KBTBD11: variants seen among roughly 807,000 people sequenced by gnomAD.
KBTBD11 encodes kelch repeat and BTB domain containing 11.
For missense variants in KBTBD11, 1,390 were observed against 1,001.8 expected (o/e 1.39, Z -5.23); for synonymous variants, 747 against 499.0 (o/e 1.50, Z -6.63).
intron 1 of KBTBD11, among the ~76,000 whole-genome samples, chr8:1,985,792 C>T (rs1816691110): frequency 6.6e-6 from 1 of 152,320 alleles, no homozygotes; most frequent in Non-Finnish European, 1.5e-5. Flanking sequence ...GACCTTGTCT[C>T]TAACAAACAA....
At chr8:1,988,426 A>G (rs926562755) in intron 1 of KBTBD11, among the ~76,000 whole-genome samples, 2 of 152,146 alleles carry the variant, frequency 1.3e-5, no homozygotes, top group Non-Finnish European at 2.9e-5. Flanking sequence ...TCGCCATTCT[A>G]ACTGGTGTGA....
At chr8:1,978,432 G>A (rs1384239118) in intron 1 of KBTBD11, among the ~76,000 whole-genome samples, 3 of 152,214 alleles carry the variant, frequency 2.0e-5, no homozygotes, top group Non-Finnish European at 2.9e-5. Context: ...TCACACACTG[G>A]GGGCTGGCGC....
chr8:1,977,815 C>T (rs545381471), intron 1 of KBTBD11, among the ~76,000 whole-genome samples: 28 of 152,152 alleles, frequency 1.8e-4, no homozygotes, highest in Admixed American at 2.6e-4. Flanking sequence ...GGATTACAGG[C>T]ATGAACCACC....
chr8:1,997,848 A>T (rs1303337463), intron 1 of KBTBD11, among the ~76,000 whole-genome samples: 3 of 152,242 alleles, frequency 2.0e-5, no homozygotes, highest in African/African-American at 7.2e-5. Flanking sequence ...ATGTGAGCCA[A>T]AGGGCACGCA....
intron 1 of KBTBD11, among the ~76,000 whole-genome samples, chr8:1,976,745 G>A (rs374448025): frequency 2.0e-5 from 3 of 152,190 alleles, no homozygotes; most frequent in African/African-American, 7.2e-5. Flanking sequence ...TTGAAGGAGA[G>A]GAATACATTC....
intron 1 of KBTBD11, among the ~76,000 whole-genome samples, chr8:1,989,346 C>G (rs1163870302): frequency 6.6e-6 from 1 of 152,196 alleles, no homozygotes; most frequent in African/African-American, 2.4e-5. Context: ...TTCAGTACTT[C>G]CAGATCTGTG....
rs991238162 is a variant in KBTBD11, at chr8:2,002,369, AGCGCCGTGAGGCCCCT to A, written c.1183_1198del (p.Val395ArgfsTer108). On this transcript the variant is annotated frameshift_variant, in exon 2 of 2. Transcript: ENST00000320248. LOFTEE classifies it low-confidence loss of function (END_TRUNC). The surrounding 1 kb of genome is among the most constrained non-coding windows in gnomAD (Gnocchi z 4.1). ...CTACAACCCGGCCACGGACAGCTGG[AGCGCCGTGAGGCCCCT>A]GCGCCAGGCGCGCTCGCAGCTGCGG... 15 of 1,470,772 alleles carry A rather than the reference AGCGCCGTGAGGCCCCT, an allele frequency of 1.0e-5. No homozygotes were observed. Among genetic ancestry groups the A allele is most frequent in the Non-Finnish European group, 1.3e-5 (15 of 1,116,532 alleles). The allele number at this position is 1,470,772 out of a possible 1,614,324, so 91.1% of individuals were successfully genotyped here.
chr8:2,002,084 G>C lies in KBTBD11; in HGVS notation c.892G>C (p.Ala298Pro). The C allele has an allele frequency of 1.5e-5, 17 of 1,103,130 alleles. No homozygotes were observed. The highest frequency in any genetic ancestry group is 1.9e-5 in the Non-Finnish European group (17 of 909,138). The allele number at this position is 1,103,130 out of a possible 1,614,324, so 68.3% of individuals were successfully genotyped here. The change falls in exon 2 of 2, where the codon GCC (alanine) becomes CCC (proline). Residue 298 changes from alanine to proline, a missense_variant. Coordinates refer to ENST00000320248, the MANE Select transcript of KBTBD11 (RefSeq NM_014867.3). This position sits in a 1 kb window ranked among gnomAD's most constrained non-coding sequence, Gnocchi z 4.1. ...RLRAGRAHLL[A>P]AALGPAGERA... ...GCGCGCCGGCCGCGCCCACCTCTTG[G>C]CCGCGGCGCTCGGGCCGGCGGGGGA... is the stretch of plus-strand genomic sequence containing the variant.
chr8:1,974,625 G>T, intron 1 of KBTBD11: 3 of 985,258 alleles, frequency 3.0e-6, no homozygotes, highest in Non-Finnish European at 3.6e-6. Context: ...CCGCGCCGCG[G>T]CTCCCGAGTC....
intron 1 of KBTBD11, among the ~76,000 whole-genome samples, chr8:1,996,519 C>G (rs543757944): frequency 6.6e-6 from 1 of 152,088 alleles, no homozygotes; most frequent in Non-Finnish European, 1.5e-5. Flanking sequence ...CCACCCACCT[C>G]GGCCTCCCAA....
chr8:1,995,551 C>T (rs1053107789), intron 1 of KBTBD11, among the ~76,000 whole-genome samples: 1 of 152,230 alleles, frequency 6.6e-6, no homozygotes, highest in East Asian at 1.9e-4. Context: ...GGTGTGAGGA[C>T]GGCCAGTTCC....
chr8:1,999,290 C>T (rs1024294016), intron 1 of KBTBD11, among the ~76,000 whole-genome samples: 1 of 152,144 alleles, frequency 6.6e-6, no homozygotes, highest in Non-Finnish European at 1.5e-5. Flanking sequence ...CCAGGTAATG[C>T]TATTGCACAT....
rs868407866 is a variant in KBTBD11, at chr8:2,001,313, C to G, written c.121C>G (p.Leu41Val). The change falls in exon 2 of 2, where the codon CTG (leucine) becomes GTG (valine). Residue 41 changes from leucine to valine, a missense_variant. Physicochemically the swap from Leu to Val is conservative, Grantham distance 32. Coordinates refer to ENST00000320248, the MANE Select transcript of KBTBD11 (RefSeq NM_014867.3). ...AQTPCSLGAS[L>V]CFSSGEESPP... ...GACACCCTGCAGTCTCGGCGCGTCC[C>G]TGTGCTTCAGCTCCGGGGAAGAGTC... 5.9e-6 allele frequency: 9 copies of G among 1,524,236 alleles called. No homozygotes were observed. The highest frequency in any genetic ancestry group is 1.4e-5 in the African/African-American group (1 of 70,220). The allele number at this position is 1,524,236 out of a possible 1,614,324, so 94.4% of individuals were successfully genotyped here.
intron 1 of KBTBD11, among the ~76,000 whole-genome samples, chr8:1,989,923 GTTTTTTTTTT>G (rs5888896): frequency 4.2e-5 from 3 of 71,712 alleles, no homozygotes; most frequent in Non-Finnish European, 7.2e-5. Context: ...GTCTCAGGTG[GTTTTTTTTTT>G]TTTTTTTTTT....
intron 1 of KBTBD11, among the ~76,000 whole-genome samples, chr8:1,977,580 G>T (rs1490770078): frequency 6.6e-6 from 1 of 152,142 alleles, no homozygotes; most frequent in African/African-American, 2.4e-5. Flanking sequence ...CTGGAATCCA[G>T]TGGCACCATG....
chr8:1,984,351 T>G (rs1185757879), intron 1 of KBTBD11, among the ~76,000 whole-genome samples: 1 of 138,670 alleles, frequency 7.2e-6, no homozygotes, highest in Non-Finnish European at 1.5e-5. Context: ...TGCAGTGGCG[T>G]GATCTCGGCT....
intron 1 of KBTBD11, 127 bp downstream of exon 1, chr8:1,974,062 G>GA: frequency 1.4e-6 from 1 of 726,962 alleles, no homozygotes; most frequent in Non-Finnish European, 1.7e-6. Flanking sequence ...CGGGAGGGGA[G>GA]AAAAGGGGAG....
chr8:1,993,020 C>A (rs144796886), intron 1 of KBTBD11, among the ~76,000 whole-genome samples: 2 of 152,256 alleles, frequency 1.3e-5, no homozygotes, highest in African/African-American at 4.8e-5. Flanking sequence ...TCACTGCAGC[C>A]TTGACCTCTC....
rs796774582 is a variant in KBTBD11, at chr8:2,001,212, C to A, written c.20C>A (p.Pro7His). The stretch of plus-strand genomic sequence containing the variant: ...CCGGCCATGGAGCACGCGGTGGCCC[C>A]CTGCGTCCTCTACCCAGGGACTGAG... MEHAVA[P>H]CVLYPGTEPG... The change falls in exon 2 of 2, where the codon CCC becomes CAC. Residue 7 changes from proline to histidine, a missense_variant. Coordinates refer to ENST00000320248, the MANE Select transcript of KBTBD11 (RefSeq NM_014867.3). 1.4e-6 allele frequency: 2 copies of A among 1,404,192 alleles called. No individual in the cohort carries two copies. The highest frequency in any genetic ancestry group is 3.0e-5 in the African/African-American group (2 of 67,000). The allele number at this position is 1,404,192 out of a possible 1,614,324, so 87.0% of individuals were successfully genotyped here.
Sources: allele counts gnomAD v4.1 joint callset (sites outside exome capture counted in the v4.1 genomes callset), GRCh38; gene constraint gnomAD v4.1.1; non-coding constraint Gnocchi (gnomAD v3.1); transcripts MANE v1.5; gene names NCBI Gene and HGNC (gene_info 2026-07-23, HGNC 2026-07-21).